Variants in ZNF71 observed in about 807,000 individuals in gnomAD.
ZNF71 encodes zinc finger protein 71, also known as endothelial zinc finger protein induced by tumor necrosis factor alpha.
A neutral mutation model predicts 6.7 loss-of-function variants in ZNF71; 3 were observed. The ratio of observed to expected loss-of-function variants is 0.45; its 90% CI spans 0.20 to 1.16. ZNF71 has a LOEUF of 1.16. ZNF71 is among the 50% of genes most tolerant of loss of function. The pLI is 0.25. For synonymous variants in ZNF71, 343 were observed against 311.1 expected (o/e 1.10, Z -1.08); for missense variants, 688 against 728.6 (o/e 0.94, Z 0.64).
chr19:56,616,257 T>G (rs895991144), intron 3 of ZNF71, among the ~76,000 whole-genome samples: 1 of 152,238 alleles, frequency 6.6e-6, no homozygotes, highest in Non-Finnish European at 1.5e-5. Flanking sequence ...GGGGGACAAA[T>G]GTATGTCCAG....
At position 56,622,934 on chromosome 19, in the gene ZNF71, G is replaced by A. The variant is rs2044876897; in HGVS notation, c.*177G>A. On this transcript the variant is annotated 3_prime_UTR_variant, in exon 4 of 4. Coordinates refer to ENST00000599599, the MANE Select transcript of ZNF71 (RefSeq NM_001370215.1). The stretch of plus-strand genomic sequence containing the variant: ...ATCACACATGCCCCCTCCTTACTGA[G>A]CCTCAGAAAGCAAGCCCCTCGGTGT... The A allele has an allele frequency of 1.2e-6, 1 of 812,002 alleles. No individual in the cohort carries two copies. Among genetic ancestry groups the A allele is most frequent in the African/African-American group, 1.7e-5 (1 of 57,488 alleles). 50.3% of individuals were successfully genotyped at this position (812,002 alleles called of 1,614,324 possible). A position where few individuals can be genotyped will look rare whatever the true frequency, so the allele number is the denominator to read the frequency against.
At position 56,596,527 on chromosome 19, in the gene ZNF71, T is replaced by C. The variant is rs114720025; in HGVS notation, c.-53+1099T>C. ...GTGGAGGAGGGGAAAAGGAAGGCTG[T>C]TTCTTCTGCCTCCCACAGGATCTTC... On this transcript the variant is annotated intron_variant, in intron 1 of 3. Transcript: ENST00000599599. 9.0e-3 allele frequency among the ~76,000 whole-genome samples: 1,375 copies of C among 152,224 alleles called. 24 individuals are homozygous for C. Among genetic ancestry groups the C allele is most frequent in the African/African-American group, 0.032 (1,325 of 41,526 alleles).
rs116759221 is a variant in ZNF71 at position 56,606,622 on chromosome 19, T to C, written c.33+5031T>C. Among the ~76,000 whole-genome samples the C allele has an allele frequency of 7.9e-3, 1,205 of 152,224 alleles. 19 individuals carry two copies. Among genetic ancestry groups the C allele is most frequent in the African/African-American group, 0.025 (1,055 of 41,544 alleles). ...TAGTCTGCTGGCTTCTTTGCTCACATGTCTGTCTCTTGCTGTGGTATGGAT... is the reference window on the plus strand; with the variant it reads ...TAGTCTGCTGGCTTCTTTGCTCACACGTCTGTCTCTTGCTGTGGTATGGAT... On this transcript the variant is annotated intron_variant, in intron 2 of 3. Transcript: ENST00000599599.
chr19:56,622,771 G>T lies in ZNF71; in HGVS notation c.*14G>T. 6.3e-7 allele frequency: 1 copy of T among 1,578,582 alleles called. No homozygotes were observed. The highest frequency in any genetic ancestry group is 8.6e-7 in the Non-Finnish European group (1 of 1,160,106). On this transcript the variant is annotated 3_prime_UTR_variant, in exon 4 of 4. Transcript: ENST00000599599. ...ATTCACACCTGAGCGCCTCTGTGCAGGGCTCTCACTGGCGGTGCCCAGGAC... is the reference window on the plus strand; with the variant it reads ...ATTCACACCTGAGCGCCTCTGTGCATGGCTCTCACTGGCGGTGCCCAGGAC...
In ZNF71 at chr19:56,622,372, C is replaced by A. The variant is rs546369586; in HGVS notation, c.1265C>A (p.Ala422Asp). 2 of 1,613,426 alleles carry A rather than the reference C, an allele frequency of 1.2e-6. No individual in the cohort carries two copies. Among genetic ancestry groups the A allele is most frequent in the East Asian group, 2.2e-5 (1 of 44,762 alleles). Reference protein sequence around the residue: ...KPFECSECGKAFSKNSSLTQH... With the variant: ...KPFECSECGKDFSKNSSLTQH... ...TTCGAGTGCAGCGAGTGCGGCAAGG[C>A]CTTCAGCAAGAACTCCTCGCTCACG... The change falls in exon 4 of 4, where the codon GCC becomes GAC. Residue 422 changes from alanine (A) to aspartate (D), a missense_variant. Transcript: ENST00000599599.
rs900496401 is a variant in ZNF71 at position 56,618,325 on chromosome 19, T to C, written c.161-2943T>C. Among the ~76,000 whole-genome samples, 3 of 152,198 alleles carry C rather than the reference T, an allele frequency of 2.0e-5. No homozygotes were observed. Among genetic ancestry groups the C allele is most frequent in the Non-Finnish European group, 4.4e-5 (3 of 68,024 alleles). On this transcript the variant is annotated intron_variant, in intron 3 of 3. Transcript: ENST00000599599. The surrounding 1 kb of genome is among the most constrained non-coding windows in gnomAD (Gnocchi z 4.6). ...GGATGGTCATAACTATCTACTACTG[T>C]ATGTAACTCAAGTATGATTGTGAGG...
chr19:56,604,900 AGTG>A (rs2044697988), intron 2 of ZNF71, among the ~76,000 whole-genome samples: 1 of 152,180 alleles, frequency 6.6e-6, no homozygotes, highest in Non-Finnish European at 1.5e-5. Flanking sequence ...GCACTTATTG[AGTG>A]CCTGCTGTAT....
intron 3 of ZNF71, among the ~76,000 whole-genome samples, chr19:56,614,692 G>C (rs1341501461): frequency 6.6e-6 from 1 of 152,216 alleles, no homozygotes; most frequent in Non-Finnish European, 1.5e-5. Context: ...TGTAATCAGA[G>C]CGTGGTCCTA....
Position 56,621,349 on chromosome 19 carries a change from C to T in ZNF71, c.242C>T (p.Ala81Val), listed in dbSNP as rs769074455. Residue 81 changes from alanine (A) to valine (V), a missense_variant, in exon 4 of 4, where the codon GCC (alanine) becomes GTC (valine). Physicochemically the swap from Ala to Val is moderately conservative, Grantham distance 64. Transcript: ENST00000599599. ...GACAAGCTCTCCGTTGTTGGGGAGG[C>T]CACGGGGGGACCCACGAGGAATGGT... is the stretch of plus-strand genomic sequence containing the variant. ...SEDKLSVVGEATGGPTRNGAR... is the reference protein window; with the variant it reads ...SEDKLSVVGEVTGGPTRNGAR... 1.7e-5 allele frequency: 26 copies of T among 1,565,910 alleles called. No homozygotes were observed. Among genetic ancestry groups the T allele is most frequent in the Non-Finnish European group, 1.7e-5 (20 of 1,155,336 alleles).
At chr19:56,611,662 T>G (rs949757617) in intron 2 of ZNF71, among the ~76,000 whole-genome samples, 2 of 152,150 alleles carry the variant, frequency 1.3e-5, no homozygotes, top group Non-Finnish European at 2.9e-5. Flanking sequence ...GACTCGTAGG[T>G]CTGTTTTAAG....
rs769489986 is a variant in ZNF71, at chr19:56,621,739, T to A, written c.632T>A (p.Ile211Asn). The A allele has an allele frequency of 2.2e-5, 35 of 1,613,920 alleles. No individual in the cohort carries two copies. The Admixed American group carries it at 5.8e-4, about 27-fold the overall frequency. The part of the protein sequence containing the change: ...RSSSLIKHQR[I>N]HTGEKPFECD... Reference sequence around the variant, plus strand: ...TCGTCCCTGATAAAGCACCAAAGGATCCACACGGGAGAAAAGCCGTTTGAG... The same window carrying A: ...TCGTCCCTGATAAAGCACCAAAGGAACCACACGGGAGAAAAGCCGTTTGAG... Residue 211 changes from isoleucine (I) to asparagine (N), a missense_variant, in exon 4 of 4, where the codon ATC becomes AAC. Transcript: ENST00000599599.
At chr19:56,607,725 C>T (rs1233594988) in intron 2 of ZNF71, among the ~76,000 whole-genome samples, 3 of 152,166 alleles carry the variant, frequency 2.0e-5, no homozygotes, top group Non-Finnish European at 2.9e-5. Context: ...CACTCACCCC[C>T]CTGTATTACT....
rs536740347 is a variant in ZNF71, at chr19:56,601,543, C to T, written c.-16C>T. On this transcript the variant is annotated 5_prime_UTR_variant, in exon 2 of 4. Transcript: ENST00000599599. The stretch of plus-strand genomic sequence containing the variant: ...ACCGCAGGCCTGTCTTCCTATTCAC[C>T]GTGGGCAGCAGAGGGATGGCTGCTC... The T allele has an allele frequency of 1.2e-5, 12 of 985,662 alleles. No individual in the cohort carries two copies. The highest frequency in any genetic ancestry group is 1.7e-5 in the African/African-American group (1 of 57,166). 61.1% of individuals were successfully genotyped at this position (985,662 alleles called of 1,614,324 possible). A position where few individuals can be genotyped will look rare whatever the true frequency, so the allele number is the denominator to read the frequency against.
At chr19:56,616,634 C>T (rs1031570688) in intron 3 of ZNF71, among the ~76,000 whole-genome samples, 1 of 152,180 alleles carries the variant, frequency 6.6e-6, no homozygotes, top group African/African-American at 2.4e-5. Flanking sequence ...TCCTGACATG[C>T]ACGTTTTGAC....
chr19:56,620,953 C>T (rs1410659783), intron 3 of ZNF71, among the ~76,000 whole-genome samples: 2 of 152,168 alleles, frequency 1.3e-5, no homozygotes, highest in African/African-American at 4.8e-5. Flanking sequence ...GTTTGCAGAG[C>T]CTGCCCTTTG....
intron 2 of ZNF71, among the ~76,000 whole-genome samples, chr19:56,607,793 T>G (rs932666038): frequency 2.0e-5 from 3 of 152,242 alleles, no homozygotes; most frequent in Non-Finnish European, 1.5e-5. Flanking sequence ...AATTATTTAC[T>G]ATTTTACACA....
intron 1 of ZNF71, among the ~76,000 whole-genome samples, chr19:56,599,517 T>C (rs1447256361): frequency 1.3e-5 from 2 of 152,098 alleles, no homozygotes; most frequent in Non-Finnish European, 2.9e-5. Context: ...GCTTTTCTTT[T>C]TAATTTTAAT....
At position 56,621,177 on chromosome 19, in the gene ZNF71, G is replaced by A. The variant is rs866145571; in HGVS notation, c.161-91G>A. 10 of 1,318,476 alleles carry A rather than the reference G, an allele frequency of 7.6e-6. No individual in the cohort carries two copies. The East Asian group carries it at 9.8e-5, about 13-fold the overall frequency. The allele number at this position is 1,318,476 out of a possible 1,614,324, so 81.7% of individuals were successfully genotyped here. On this transcript the variant is annotated intron_variant, in intron 3 of 3. Coordinates refer to ENST00000599599, the MANE Select transcript of ZNF71 (RefSeq NM_001370215.1). ...CTGTGCCTTGGGCCTCATTGGGGTC[G>A]GTTTCATTTGCTCCTTCCTGCTGTG...
intron 2 of ZNF71, among the ~76,000 whole-genome samples, chr19:56,605,577 A>G (rs1353234311): frequency 6.6e-6 from 1 of 152,232 alleles, no homozygotes; most frequent in Admixed American, 6.5e-5. Flanking sequence ...GCTGCTACCC[A>G]GCAAAATATA....
Sources: allele counts gnomAD v4.1 joint callset (sites outside exome capture counted in the v4.1 genomes callset), GRCh38; gene constraint gnomAD v4.1.1; non-coding constraint Gnocchi (gnomAD v3.1); transcripts MANE v1.5; gene names NCBI Gene and HGNC (gene_info 2026-07-23, HGNC 2026-07-21).